UBR3: variants seen among roughly 807,000 people sequenced by gnomAD.
UBR3 encodes the protein E3 ubiquitin-protein ligase UBR3.
A neutral mutation model predicts 243.2 loss-of-function variants in UBR3; 85 were observed. The ratio of observed to expected loss-of-function variants is 0.35; its 90% CI spans 0.29 to 0.42. The LOEUF is 0.42. Ranked by LOEUF, UBR3 falls within the 10% of genes least tolerant of loss-of-function variation. The pLI is 1.00. For synonymous variants in UBR3, 748 were observed against 799.8 expected (o/e 0.94, Z 1.09); for missense variants, 1,686 against 2,300.8 (o/e 0.73, Z 5.47).
intron 1 of UBR3, among the ~76,000 whole-genome samples, chr2:169,840,691 C>T (rs1174136148): frequency 1.3e-5 from 2 of 152,174 alleles, no homozygotes; most frequent in East Asian, 1.9e-4. Flanking sequence ...CTGACCTGCC[C>T]TGTGACAGTT....
chr2:169,872,449 G>A, intron 2 of UBR3, 74 bp downstream of exon 2: 12 of 1,111,944 alleles, frequency 1.1e-5, no homozygotes, highest in Middle Eastern at 2.4e-4. Context: ...TTAATTATGA[G>A]GTGAATTTTT....
intron 19 of UBR3, among the ~76,000 whole-genome samples, chr2:169,937,767 G>A (rs936288457): frequency 1.3e-5 from 2 of 152,130 alleles, no homozygotes; most frequent in Non-Finnish European, 2.9e-5. Context: ...GTTCTTGAGT[G>A]CATTGGTGGA....
At chr2:169,944,713 G>A (rs1455915305) in intron 20 of UBR3, among the ~76,000 whole-genome samples, 12 of 151,804 alleles carry the variant, frequency 7.9e-5, no homozygotes, top group Admixed American at 7.9e-4. Context: ...CTAATAGAGG[G>A]ATGTTTTCCT....
chr2:169,986,860 A>G (rs886625747), intron 25 of UBR3, 66 bp downstream of exon 25: 77 of 1,494,064 alleles, frequency 5.2e-5, no homozygotes, highest in Non-Finnish European at 6.5e-5. Flanking sequence ...AGATTAATAA[A>G]TATCTGTATT....
At chr2:169,935,824 C>T (rs2086306092) in intron 19 of UBR3, among the ~76,000 whole-genome samples, 1 of 152,078 alleles carries the variant, frequency 6.6e-6, no homozygotes, top group Admixed American at 6.6e-5. Flanking sequence ...TTACTTGGGC[C>T]TTCAACAAAT....
rs116163933 is a variant in UBR3, at chr2:169,842,843, A to G, written c.545+14791A>G. 2.1e-3 allele frequency among the ~76,000 whole-genome samples: 319 copies of G among 152,334 alleles called. 1 individual carries two copies. Among genetic ancestry groups the G allele is most frequent in the Non-Finnish European group, 1.4e-3 (98 of 68,026 alleles). ...AGTCAGTGAGACCAAGAACCCACCA[A>G]TTCTGGACACAGTAGGACATGGGTA... On this transcript the variant is annotated intron_variant, in intron 1 of 38. Transcript: ENST00000272793.
At chr2:169,907,664 GT>G (rs2085069905) in intron 10 of UBR3, among the ~76,000 whole-genome samples, 1 of 151,926 alleles carries the variant, frequency 6.6e-6, no homozygotes, top group South Asian at 2.1e-4. Flanking sequence ...AATCATTCAA[GT>G]TCTCATCAAT....
chr2:170,030,911 A>C (rs542264712), intron 31 of UBR3, among the ~76,000 whole-genome samples: 1 of 152,148 alleles, frequency 6.6e-6, no homozygotes, highest in East Asian at 1.9e-4. Context: ...CTTTTTATGA[A>C]GTCTCTAATC....
At chr2:169,991,859 G>A (rs1196246498) in intron 25 of UBR3, among the ~76,000 whole-genome samples, 1 of 152,092 alleles carries the variant, frequency 6.6e-6, no homozygotes, top group East Asian at 1.9e-4. Context: ...TGGGATTACA[G>A]GTGTGAGCCA....
intron 23 of UBR3, 77 bp downstream of exon 23, chr2:169,950,142 A>G: frequency 7.5e-7 from 1 of 1,332,420 alleles, no homozygotes; most frequent in Non-Finnish European, 1.0e-6. Flanking sequence ...TCATTTGAGG[A>G]TAATCACCTG....
intron 32 of UBR3, among the ~76,000 whole-genome samples, chr2:170,049,714 G>A (rs2091173119): frequency 6.6e-6 from 1 of 151,834 alleles, no homozygotes; most frequent in Non-Finnish European, 1.5e-5. Context: ...TTTTCTCATT[G>A]CCATAATAAC....
Position 169,846,160 on chromosome 2 carries a change from G to T in UBR3, c.545+18108G>T. Among the ~76,000 whole-genome samples, 2 of 152,112 alleles carry T rather than the reference G, an allele frequency of 1.3e-5. 1 individual carries two copies. The highest frequency in any genetic ancestry group is 4.8e-5 in the African/African-American group (2 of 41,430). On this transcript the variant is annotated intron_variant, in intron 1 of 38. Transcript: ENST00000272793. Reference sequence around the variant, plus strand: ...CTTCATTACTGAGAATGGTGTTGAAGTCTCCAAATATAACCGTGGATTTGT... The same window carrying T: ...CTTCATTACTGAGAATGGTGTTGAATTCTCCAAATATAACCGTGGATTTGT...
intron 24 of UBR3, among the ~76,000 whole-genome samples, chr2:169,985,428 C>G (rs986343713): frequency 6.6e-6 from 1 of 151,932 alleles, no homozygotes; most frequent in Admixed American, 6.6e-5. Context: ...CAGGGTTTCA[C>G]TATGTTGGCC....
chr2:169,997,121 ATTTAG>A (rs747108662), intron 26 of UBR3, among the ~76,000 whole-genome samples: 122,600 of 151,948 alleles, frequency 0.81, 49,896 homozygotes, highest in East Asian at 0.89. Flanking sequence ...GAAATTTACT[ATTTAG>A]ACTTTATTTA....
rs1465004319 is a variant in UBR3 at position 169,864,928 on chromosome 2, A to T, written c.546-7308A>T. 2.0e-5 allele frequency among the ~76,000 whole-genome samples: 3 copies of T among 150,220 alleles called. No homozygotes were observed. The South Asian group carries it at 6.3e-4, about 32-fold the overall frequency. On this transcript the variant is annotated intron_variant, in intron 1 of 38. Transcript: ENST00000272793. ...TCTCAAAAAAAAAAAAAAAAAAAAA[A>T]AGAAAGAATTAGCTGGGTGTCATGG...
chr2:170,032,368 C>T (rs1191603318), intron 31 of UBR3, among the ~76,000 whole-genome samples: 1 of 151,958 alleles, frequency 6.6e-6, no homozygotes, highest in African/African-American at 2.4e-5. Context: ...ATAAATGGTG[C>T]TGGGTTAATT....
chr2:170,045,005 A>C (rs1300102290), intron 32 of UBR3, among the ~76,000 whole-genome samples: 1 of 152,170 alleles, frequency 6.6e-6, no homozygotes, highest in African/African-American at 2.4e-5. Flanking sequence ...TTAAGACATA[A>C]AATCATCATC....
In UBR3 at chr2:169,928,658, A is replaced by C; in HGVS notation, c.2425-69A>C. 2.3e-6 allele frequency: 3 copies of C among 1,281,832 alleles called. No homozygotes were observed. In the South Asian group the frequency reaches 6.1e-5, roughly 26 times the overall value. The allele number at this position is 1,281,832 out of a possible 1,614,324, so 79.4% of individuals were successfully genotyped here. On this transcript the variant is annotated intron_variant, in intron 17 of 38. Transcript: ENST00000272793. ...GTCTACTTCAGCAAAATGAGAAACT[A>C]GAGTACCTTGGAAAGGCTATAAATC...
intron 2 of UBR3, among the ~76,000 whole-genome samples, chr2:169,873,699 A>G (rs2083503428): frequency 6.6e-6 from 1 of 152,174 alleles, no homozygotes; most frequent in Non-Finnish European, 1.5e-5. Context: ...CCCAAAAAAA[A>G]GAACAGAAAA....
Sources: allele counts gnomAD v4.1 joint callset (sites outside exome capture counted in the v4.1 genomes callset), GRCh38; gene constraint gnomAD v4.1.1; transcripts MANE v1.5; gene names NCBI Gene and HGNC (gene_info 2026-07-23, HGNC 2026-07-21).